The following WWOX variants were observed in gnomAD, a reference collection of about 807,000 sequenced individuals.
WWOX encodes WW domain containing oxidoreductase.
In WWOX, 69 loss-of-function variants were observed where a neutral mutation model predicts 46.2. That is an observed-to-expected ratio of 1.49 (90% CI 1.23 to 1.82). The LOEUF (loss-of-function observed/expected upper bound fraction) is 1.82, where lower values mean the gene tolerates loss of function less well. WWOX is among the 40% of genes most tolerant of loss of function. WWOX has a pLI of 0.00. For synonymous variants in WWOX, 359 were observed against 202.6 expected (o/e 1.77, Z -6.56); for missense variants, 919 against 542.6 (o/e 1.69, Z -6.89).
intron 8 of WWOX, among the ~76,000 whole-genome samples, chr16:78,520,754 C>A (rs886129020): frequency 2.0e-5 from 3 of 152,116 alleles, no homozygotes; most frequent in African/African-American, 4.8e-5. Flanking sequence ...ATTCACCCTC[C>A]CTAAATCCCA....
At chr16:79,006,230 G>C (rs532489909) in intron 8 of WWOX, among the ~76,000 whole-genome samples, 1 of 152,318 alleles carries the variant, frequency 6.6e-6, no homozygotes, top group South Asian at 2.1e-4. Flanking sequence ...TTAAGGATAA[G>C]TGGCATTTGA....
chr16:79,007,140 C>A (rs776809192), intron 8 of WWOX, among the ~76,000 whole-genome samples: 1 of 152,168 alleles, frequency 6.6e-6, no homozygotes. Flanking sequence ...AAGATCCTTG[C>A]ACTTCCAAAA....
chr16:78,611,765 C>T (rs1196188370), intron 8 of WWOX, among the ~76,000 whole-genome samples: 5 of 152,296 alleles, frequency 3.3e-5, no homozygotes, highest in South Asian at 4.1e-4. Context: ...GCTCTGATCT[C>T]ACTCCAGTAT....
intron 6 of WWOX, among the ~76,000 whole-genome samples, chr16:78,399,174 AG>A: frequency 6.6e-6 from 1 of 152,316 alleles, no homozygotes; most frequent in Non-Finnish European, 1.5e-5. Context: ...GTTGGAAGAC[AG>A]GAAGGATGGA....
At chr16:78,565,208 T>C (rs1319625417) in intron 8 of WWOX, among the ~76,000 whole-genome samples, 4 of 152,248 alleles carry the variant, frequency 2.6e-5, no homozygotes, top group African/African-American at 9.6e-5. Context: ...CTCTTGCTGA[T>C]AGCTGATTTG....
chr16:79,164,196 C>T (rs555670575), intron 8 of WWOX, among the ~76,000 whole-genome samples: 16 of 152,144 alleles, frequency 1.1e-4, no homozygotes, highest in Non-Finnish European at 1.5e-4. Context: ...GTCTGTTTGA[C>T]GTGTTTGGGA....
chr16:78,415,946 C>T (rs2082788389), intron 6 of WWOX, among the ~76,000 whole-genome samples: 1 of 152,166 alleles, frequency 6.6e-6, no homozygotes, highest in South Asian at 2.1e-4. Flanking sequence ...CAGAGAATGC[C>T]ATGGGGCCAC....
chr16:78,912,016 C>T (rs1400489042), intron 8 of WWOX, among the ~76,000 whole-genome samples: 4 of 151,966 alleles, frequency 2.6e-5, no homozygotes, highest in African/African-American at 9.7e-5. Flanking sequence ...CACAGTAGTC[C>T]AGTATATTGG....
chr16:78,315,102 T>A (rs937064537), intron 5 of WWOX, among the ~76,000 whole-genome samples: 3 of 152,198 alleles, frequency 2.0e-5, no homozygotes, highest in Non-Finnish European at 2.9e-5. Flanking sequence ...TTTTTTGGCT[T>A]TAATTTTGTC....
At chr16:78,498,655 G>A (rs751924285) in intron 8 of WWOX, among the ~76,000 whole-genome samples, 100 of 152,310 alleles carry the variant, frequency 6.6e-4, no homozygotes, top group Middle Eastern at 3.4e-3. Context: ...TTCTGTAAAG[G>A]AGAGCAGCGG....
chr16:78,412,783 C>A (rs1202899706), intron 6 of WWOX, among the ~76,000 whole-genome samples: 1 of 152,122 alleles, frequency 6.6e-6, no homozygotes, highest in East Asian at 1.9e-4. Flanking sequence ...ATTCATTCAG[C>A]TGATGATGAG....
chr16:78,843,815 A>C (rs1413772037), intron 8 of WWOX, among the ~76,000 whole-genome samples: 1 of 152,228 alleles, frequency 6.6e-6, no homozygotes. Flanking sequence ...TTGATTTACT[A>C]ACCTTCAGCA....
chr16:78,366,519 G>A (rs1483422143), intron 5 of WWOX, among the ~76,000 whole-genome samples: 1 of 152,132 alleles, frequency 6.6e-6, no homozygotes, highest in Non-Finnish European at 1.5e-5. Flanking sequence ...TTAGACTTCA[G>A]GGGACTACAC....
intron 5 of WWOX, among the ~76,000 whole-genome samples, chr16:78,386,355 G>C (rs1182020615): frequency 6.6e-6 from 1 of 152,182 alleles, no homozygotes; most frequent in Non-Finnish European, 1.5e-5. Flanking sequence ...AGGTCCGTCA[G>C]AATCCATTGG....
chr16:78,336,499 A>G (rs890669947), intron 5 of WWOX, among the ~76,000 whole-genome samples: 1 of 103,676 alleles, frequency 9.6e-6, no homozygotes, highest in Non-Finnish European at 1.8e-5. Flanking sequence ...GAGAGAGACT[A>G]TGTCTCAAAA....
Position 78,409,813 on chromosome 16 carries a change from C to G in WWOX, c.606-15057C>G, listed in dbSNP as rs568595789. On this transcript the variant is annotated intron_variant, in intron 6 of 8. Coordinates refer to ENST00000566780, the MANE Select transcript of WWOX (RefSeq NM_016373.4). The stretch of plus-strand genomic sequence containing the variant: ...ACCCACAACATCTTCAAAACCAGCA[C>G]TGTTGCATCTCTGACCTTAGCCCTG... Among the ~76,000 whole-genome samples the G allele has an allele frequency of 9.8e-5, 15 of 152,298 alleles. No homozygotes were observed. In the East Asian group the frequency reaches 2.9e-3, roughly 29 times the overall value.
intron 8 of WWOX, among the ~76,000 whole-genome samples, chr16:78,596,866 G>A (rs2045503621): frequency 6.6e-6 from 1 of 152,070 alleles, no homozygotes; most frequent in African/African-American, 2.4e-5. Flanking sequence ...TTGAGGGTTG[G>A]AGATCACACA....
At chr16:79,088,000 C>T (rs1431894520) in intron 8 of WWOX, among the ~76,000 whole-genome samples, 2 of 152,156 alleles carry the variant, frequency 1.3e-5, no homozygotes, top group East Asian at 1.9e-4. Flanking sequence ...TCCATTCTAG[C>T]TTCTTCTGCT....
intron 5 of WWOX, among the ~76,000 whole-genome samples, chr16:78,361,639 T>G (rs896807166): frequency 6.6e-6 from 1 of 152,154 alleles, no homozygotes; most frequent in African/African-American, 2.4e-5. Flanking sequence ...GAGACAAAGT[T>G]TCACTCCTGT....
Sources: allele counts gnomAD v4.1 joint callset (sites outside exome capture counted in the v4.1 genomes callset), GRCh38; gene constraint gnomAD v4.1.1; transcripts MANE v1.5; gene names NCBI Gene and HGNC (gene_info 2026-07-23, HGNC 2026-07-21).